The following CIMAP2 variants were observed in gnomAD, a reference collection of about 807,000 sequenced individuals.
CIMAP2 encodes the protein ciliary microtubule-associated protein 2.
At chr1:54,832,937 G>A in the CIMAP2 span, among the ~76,000 whole-genome samples, 1 of 152,102 alleles carries the variant, frequency 6.6e-6, no homozygotes, top group Non-Finnish European at 1.5e-5. Flanking sequence ...TGAGGTAGGA[G>A]GATTGCTTGA....
chr1:54,842,122 G>C, the CIMAP2 span: 1 of 560,972 alleles, frequency 1.8e-6, no homozygotes, highest in African/African-American at 1.9e-5. Flanking sequence ...ACTCAACTCA[G>C]CCAGTGACAT....
the CIMAP2 span, among the ~76,000 whole-genome samples, chr1:54,825,652 G>A: frequency 1.3e-5 from 2 of 152,066 alleles, no homozygotes; most frequent in Non-Finnish European, 2.9e-5. Flanking sequence ...GCAGAGGCAG[G>A]TCTGGGCGGG....
the CIMAP2 span, among the ~76,000 whole-genome samples, chr1:54,820,017 TTTCC>T: frequency 0.17 from 21,433 of 123,166 alleles, 2,105 homozygotes; most frequent in East Asian, 0.31. Flanking sequence ...CTTTTCCTTC[TTTCC>T]TTCCTTCCTT....
At chr1:54,837,985 T>C in the CIMAP2 span, among the ~76,000 whole-genome samples, 5 of 151,996 alleles carry the variant, frequency 3.3e-5, no homozygotes, top group Non-Finnish European at 7.4e-5. Flanking sequence ...TAGAGTGTAT[T>C]GGAGTGGGAG....
the CIMAP2 span, chr1:54,811,765 G>GCGGGGGGGGGGGCGCCCCCCCCCCCC: frequency 7.7e-7 from 1 of 1,301,332 alleles, no homozygotes; most frequent in Non-Finnish European, 1.1e-6. Flanking sequence ...GGTTCTGACA[G>GCGGGGGGGGGGGCGCCCCCCCCCCCC]CCTCCATGCC....
chr1:54,817,022 T>C, the CIMAP2 span: 2 of 1,614,190 alleles, frequency 1.2e-6, no homozygotes, highest in Non-Finnish European at 1.7e-6. Context: ...CCTCAACACC[T>C]GGCTGATGGA....
At chr1:54,819,976 T>TTCTTTTTC in the CIMAP2 span, among the ~76,000 whole-genome samples, 2 of 135,626 alleles carry the variant, frequency 1.5e-5, no homozygotes, top group African/African-American at 5.6e-5. Flanking sequence ...CTTTCTTTCT[T>TTCTTTTTC]TTTCTCTCTT....
At chr1:54,820,112 CTCTTTCTTTCTT>C in the CIMAP2 span, among the ~76,000 whole-genome samples, 3 of 8,314 alleles carry the variant, frequency 3.6e-4, no homozygotes. Context: ...TTCTCTCTCT[CTCTTTCTTTCTT>C]TCTTTCTTTC....
chr1:54,827,243 C>G, the CIMAP2 span, among the ~76,000 whole-genome samples: 9 of 152,190 alleles, frequency 5.9e-5, no homozygotes, highest in African/African-American at 2.2e-4. Context: ...TGGGCAATAT[C>G]CTTTACACAT....
At chr1:54,820,546 C>T in the CIMAP2 span, among the ~76,000 whole-genome samples, 2 of 152,092 alleles carry the variant, frequency 1.3e-5, no homozygotes, top group Admixed American at 6.5e-5. Flanking sequence ...GCATTCCCAC[C>T]AAAAGCATGT....
At chr1:54,806,080 G>A in the CIMAP2 span, 2 of 1,489,868 alleles carry the variant, frequency 1.3e-6, no homozygotes, top group African/African-American at 1.4e-5. Context: ...CCGGGTTGCC[G>A]TGGCAGCAGC....
At chr1:54,813,752 G>T in the CIMAP2 span, 4 of 1,513,160 alleles carry the variant, frequency 2.6e-6, no homozygotes, top group Non-Finnish European at 3.6e-6. Flanking sequence ...GCGGGGGAGG[G>T]TTGAGAAAGG....
the CIMAP2 span, chr1:54,808,144 C>A: frequency 1.0e-6 from 1 of 987,742 alleles, no homozygotes; most frequent in Non-Finnish European, 1.4e-6. Context: ...AAGTGGCATA[C>A]ACTGTCCTAG....
the CIMAP2 span, chr1:54,814,107 C>A: frequency 8.5e-7 from 1 of 1,177,674 alleles, no homozygotes; most frequent in Non-Finnish European, 1.2e-6. Flanking sequence ...GGTTTCCAAT[C>A]CTGGTCTGGA....
chr1:54,816,864 T>C, the CIMAP2 span: 14 of 1,315,414 alleles, frequency 1.1e-5, no homozygotes, highest in South Asian at 1.7e-4. Context: ...CAACATATCT[T>C]TTTGGGAGAC....
chr1:54,817,845 T>C, the CIMAP2 span, among the ~76,000 whole-genome samples: 6 of 152,144 alleles, frequency 3.9e-5, no homozygotes, highest in African/African-American at 1.4e-4. Context: ...ATCAAAGTAG[T>C]GCTGTGTCTT....
the CIMAP2 span, among the ~76,000 whole-genome samples, chr1:54,833,212 T>A: frequency 6.6e-6 from 1 of 152,168 alleles, no homozygotes; most frequent in Non-Finnish European, 1.5e-5. Context: ...CTGTCTGCCC[T>A]GTCATCCTCA....
chr1:54,826,381 A>T, the CIMAP2 span, among the ~76,000 whole-genome samples: 1 of 152,164 alleles, frequency 6.6e-6, no homozygotes, highest in Non-Finnish European at 1.5e-5. Context: ...ACCTGGCCGC[A>T]CTGCTGGGTC....
the CIMAP2 span, chr1:54,811,765 G>GCGGGGGGGGGGGGGGCCCCCC: frequency 2.3e-6 from 3 of 1,301,330 alleles, no homozygotes; most frequent in Non-Finnish European, 3.3e-6. Flanking sequence ...GGTTCTGACA[G>GCGGGGGGGGGGGGGGCCCCCC]CCTCCATGCC....
Sources: allele counts gnomAD v4.1 joint callset (sites outside exome capture counted in the v4.1 genomes callset), GRCh38; gene constraint gnomAD v4.1.1; transcripts MANE v1.5; gene names NCBI Gene and HGNC (gene_info 2026-07-23, HGNC 2026-07-21).